Variants in LINGO2 observed in about 807,000 individuals in gnomAD.
The protein encoded by LINGO2 is leucine rich repeat and Ig domain containing 2, also known as leucine-rich repeat and immunoglobulin-like domain-containing nogo receptor-interacting protein 2.
In LINGO2, 14 loss-of-function variants were observed where a neutral mutation model predicts 30.6. The observed-to-expected ratio is 0.46, with a 90% CI of 0.30 to 0.72. LINGO2 has a LOEUF of 0.72. Ranked by LOEUF, LINGO2 falls within the 30% of genes least tolerant of loss-of-function variation. LINGO2 has a pLI of 0.07. For synonymous variants in LINGO2, 317 were observed against 288.5 expected (o/e 1.10, Z -1.00); for missense variants, 729 against 751.7 (o/e 0.97, Z 0.35).
At chr9:28,902,776 A>G in the LINGO2 span, among the ~76,000 whole-genome samples, 5 of 152,148 alleles carry the variant, frequency 3.3e-5, no homozygotes, top group Non-Finnish European at 7.4e-5. Flanking sequence ...CTCATTCTGA[A>G]CAAAAAATGA....
the LINGO2 span, among the ~76,000 whole-genome samples, chr9:28,915,931 C>G: frequency 6.6e-6 from 1 of 152,080 alleles, no homozygotes; most frequent in Non-Finnish European, 1.5e-5. Context: ...GATAAACGGT[C>G]GCGAATTTCT....
chr9:28,627,549 C>T (rs1308142367), intron 1 of LINGO2, among the ~76,000 whole-genome samples: 1 of 152,030 alleles, frequency 6.6e-6, no homozygotes, highest in African/African-American at 2.4e-5. Flanking sequence ...GCCAAGATCA[C>T]TATAGGTCTC....
intron 3 of LINGO2, among the ~76,000 whole-genome samples, chr9:28,323,525 G>T (rs1182296673): frequency 6.6e-6 from 1 of 152,050 alleles, no homozygotes; most frequent in Non-Finnish European, 1.5e-5. Flanking sequence ...ACTTGAACCT[G>T]GGAGGCAGAG....
chr9:28,885,440 T>C, the LINGO2 span, among the ~76,000 whole-genome samples: 2 of 125,394 alleles, frequency 1.6e-5, no homozygotes, highest in Non-Finnish European at 3.4e-5. Flanking sequence ...TATACATATA[T>C]ATACACACAT....
chr9:28,189,765 G>T (rs1177534302), intron 4 of LINGO2, among the ~76,000 whole-genome samples: 2 of 151,862 alleles, frequency 1.3e-5, no homozygotes, highest in Non-Finnish European at 2.9e-5. Flanking sequence ...CTTTACTAGT[G>T]CCTGATATTC....
the LINGO2 span, among the ~76,000 whole-genome samples, chr9:29,055,940 G>GTATATATATATGTGTGTATATATA: frequency 8.3e-6 from 1 of 119,982 alleles, no homozygotes; most frequent in African/African-American, 3.2e-5. Context: ...ATGTGTGTGT[G>GTATATATATATGTGTGTATATATA]TATATATACA....
At chr9:29,056,509 C>T in the LINGO2 span, among the ~76,000 whole-genome samples, 1 of 152,080 alleles carries the variant, frequency 6.6e-6, no homozygotes, top group African/African-American at 2.4e-5. Flanking sequence ...ATCAGATGCA[C>T]AGTTTGTGAA....
intron 4 of LINGO2, among the ~76,000 whole-genome samples, chr9:28,058,362 G>T (rs1336407743): frequency 6.6e-6 from 1 of 152,126 alleles, no homozygotes; most frequent in Non-Finnish European, 1.5e-5. Context: ...CATGCTCATT[G>T]TCACTCATAT....
intron 1 of LINGO2, among the ~76,000 whole-genome samples, chr9:28,552,569 G>A (rs1822354967): frequency 6.6e-6 from 1 of 151,678 alleles, no homozygotes; most frequent in South Asian, 2.1e-4. Context: ...CTATTCATAG[G>A]ACTGGGAACA....
chr9:28,171,278 G>C (rs1828574046), intron 4 of LINGO2, among the ~76,000 whole-genome samples: 1 of 152,158 alleles, frequency 6.6e-6, no homozygotes. Context: ...GAAGGACATG[G>C]AACAAACTTG....
At chr9:28,058,376 G>C (rs926807536) in intron 4 of LINGO2, among the ~76,000 whole-genome samples, 3 of 152,048 alleles carry the variant, frequency 2.0e-5, no homozygotes, top group Non-Finnish European at 4.4e-5. Context: ...CTCATATATG[G>C]TCACTCATAC....
At chr9:28,074,680 T>C (rs1019908066) in intron 4 of LINGO2, among the ~76,000 whole-genome samples, 6 of 152,164 alleles carry the variant, frequency 3.9e-5, no homozygotes, top group Admixed American at 1.3e-4. Context: ...TAGTGCCTTA[T>C]CCCATGCCAA....
chr9:28,378,286 T>C (rs1337925427), intron 2 of LINGO2, among the ~76,000 whole-genome samples: 1 of 152,158 alleles, frequency 6.6e-6, no homozygotes, highest in Non-Finnish European at 1.5e-5. Flanking sequence ...TATCTTTAAT[T>C]GTGTTCAGTT....
the LINGO2 span, among the ~76,000 whole-genome samples, chr9:29,022,325 A>G: frequency 1.3e-5 from 2 of 152,316 alleles, no homozygotes; most frequent in East Asian, 3.9e-4. Context: ...CTCTCTGCCT[A>G]CTGCAGGATT....
the LINGO2 span, among the ~76,000 whole-genome samples, chr9:28,714,206 CACAT>C: frequency 1.5e-5 from 2 of 133,746 alleles, no homozygotes; most frequent in African/African-American, 2.8e-5. Context: ...TACACACACA[CACAT>C]ACGCACATAT....
the LINGO2 span, among the ~76,000 whole-genome samples, chr9:28,837,477 C>T: frequency 6.6e-5 from 10 of 150,992 alleles, no homozygotes; most frequent in South Asian, 2.1e-3. Flanking sequence ...GAAACCCCAT[C>T]TCTCCTAAAA....
the LINGO2 span, among the ~76,000 whole-genome samples, chr9:29,062,939 G>A: frequency 6.6e-6 from 1 of 152,036 alleles, no homozygotes; most frequent in Non-Finnish European, 1.5e-5. Context: ...GACCTGGAGG[G>A]AACCAAAGAC....
At chr9:29,179,263 G>A in the LINGO2 span, among the ~76,000 whole-genome samples, 1 of 146,368 alleles carries the variant, frequency 6.8e-6, no homozygotes, top group Admixed American at 6.9e-5. Context: ...AGGCTGACAA[G>A]GTGGACTTCT....
At chr9:28,473,678 T>A (rs574085767) in intron 2 of LINGO2, among the ~76,000 whole-genome samples, 1 of 152,224 alleles carries the variant, frequency 6.6e-6, no homozygotes, top group South Asian at 2.1e-4. Flanking sequence ...GATACAAATC[T>A]TGGATCTTTG....
Sources: gnomAD v4.1 joint callset for allele counts (sites outside exome capture counted in the v4.1 genomes callset) on GRCh38, gnomAD v4.1.1 for gene constraint, MANE v1.5 for transcripts, NCBI Gene and HGNC (gene_info 2026-07-23, HGNC 2026-07-21) for gene names.